FAM193A: variants seen among roughly 807,000 people sequenced by gnomAD.
FAM193A encodes family with sequence similarity 193 member A.
A neutral mutation model predicts 126.5 loss-of-function variants in FAM193A; 22 were observed. The observed-to-expected ratio is 0.17, with a 90% CI of 0.12 to 0.25. FAM193A has a LOEUF of 0.25. Among genes scored for constraint, FAM193A ranks in the 10% least tolerant of loss-of-function variants. The pLI, the probability that FAM193A is intolerant of heterozygous loss-of-function variation, is 1.00. For missense variants in FAM193A, 1,675 were observed against 1,672.8 expected, an observed-to-expected ratio of 1.00 and a Z score of -0.02; for synonymous variants, 761 against 646.8, an observed-to-expected ratio of 1.18 and a Z score of -2.68.
chr4:2,633,870 G>C (rs1265030725), intron 5 of FAM193A, among the ~76,000 whole-genome samples: 1 of 152,160 alleles, frequency 6.6e-6, no homozygotes, highest in Non-Finnish European at 1.5e-5. Flanking sequence ...TCCAGCCTGG[G>C]CAACAAGAGC....
At chr4:2,630,514 T>C (rs1743455139) in intron 4 of FAM193A, among the ~76,000 whole-genome samples, 1 of 152,058 alleles carries the variant, frequency 6.6e-6, no homozygotes. Context: ...TTTAAAAGAG[T>C]TGTCCCCAGC....
At chr4:2,574,546 C>T (rs1417323369) in intron 1 of FAM193A, among the ~76,000 whole-genome samples, 1 of 152,050 alleles carries the variant, frequency 6.6e-6, no homozygotes, top group Non-Finnish European at 1.5e-5. Flanking sequence ...TGTGTATTGA[C>T]GGTCATGGAT....
intron 6 of FAM193A, among the ~76,000 whole-genome samples, chr4:2,645,198 A>G (rs75889295): frequency 0.011 from 1,691 of 152,294 alleles, 34 homozygotes; most frequent in African/African-American, 0.038. Flanking sequence ...CTTGCGCAGA[A>G]TCTTTGTGCT....
At chr4:2,651,877 C>G (rs367814838) in intron 7 of FAM193A, among the ~76,000 whole-genome samples, 2 of 152,224 alleles carry the variant, frequency 1.3e-5, no homozygotes, top group East Asian at 3.9e-4. Flanking sequence ...TCCCAGACAG[C>G]CCCCAGGAGG....
intron 6 of FAM193A, among the ~76,000 whole-genome samples, chr4:2,644,744 G>A (rs559107805): frequency 6.6e-6 from 1 of 152,228 alleles, no homozygotes; most frequent in Admixed American, 6.5e-5. Context: ...TTACCTGAGG[G>A]TGGAGATAGG....
At chr4:2,621,908 C>G (rs534745478) in intron 2 of FAM193A, among the ~76,000 whole-genome samples, 1 of 152,268 alleles carries the variant, frequency 6.6e-6, no homozygotes, top group East Asian at 1.9e-4. Flanking sequence ...CTTCCAGCCA[C>G]TTTTGGTATT....
intron 7 of FAM193A, among the ~76,000 whole-genome samples, chr4:2,656,084 G>C (rs73080307): frequency 6.6e-6 from 1 of 152,114 alleles, no homozygotes; most frequent in Non-Finnish European, 1.5e-5. Flanking sequence ...ACTGCATCCA[G>C]CCAGGACTTT....
intron 19 of FAM193A, among the ~76,000 whole-genome samples, chr4:2,711,720 G>A (rs553168663): frequency 1.3e-5 from 2 of 151,758 alleles, no homozygotes; most frequent in African/African-American, 4.8e-5. Flanking sequence ...AGGCCGAGGC[G>A]GGCAGATCAC....
intron 2 of FAM193A, among the ~76,000 whole-genome samples, chr4:2,622,272 A>C (rs926267735): frequency 4.6e-5 from 7 of 151,474 alleles, no homozygotes; most frequent in Non-Finnish European, 5.9e-5. Flanking sequence ...AAAAAAAAAA[A>C]AAAAAAAAAA....
Position 2,601,378 on chromosome 4 carries a change from G to A in FAM193A, c.501+5049G>A, listed in dbSNP as rs181709297. 4.2e-3 allele frequency among the ~76,000 whole-genome samples: 630 copies of A among 151,492 alleles called. 2 individuals carry two copies. Among genetic ancestry groups the A allele is most frequent in the African/African-American group, 0.015 (606 of 41,292 alleles). ...CTCCCGAGTAGCTGGGACTGTAGGCGCGTACCACCACACCCAGCTAATTTT... is the reference window on the plus strand; with the variant it reads ...CTCCCGAGTAGCTGGGACTGTAGGCACGTACCACCACACCCAGCTAATTTT... On this transcript the variant is annotated intron_variant, in intron 2 of 20. Transcript: ENST00000637812.
intron 13 of FAM193A, among the ~76,000 whole-genome samples, chr4:2,681,611 GCTAT>G (rs1240196871): frequency 5.3e-5 from 8 of 151,820 alleles, no homozygotes; most frequent in African/African-American, 7.3e-5. Context: ...ACCATGCCCA[GCTAT>G]CTATCTGTCT....
At chr4:2,723,846 A>G (rs1386717514) in intron 20 of FAM193A, among the ~76,000 whole-genome samples, 2 of 152,190 alleles carry the variant, frequency 1.3e-5, no homozygotes, top group East Asian at 1.9e-4. Flanking sequence ...GTCTCACTCC[A>G]TTGTCCAGGC....
At position 2,601,839 on chromosome 4, in the gene FAM193A, TTTA is replaced by T. The variant is rs547315886; in HGVS notation, c.501+5522_501+5524del. On this transcript the variant is annotated intron_variant, in intron 2 of 20. Transcript: ENST00000637812. Reference sequence around the variant, plus strand: ...TTGTCTGTTTAATTAATTGTTGCTTTTTATTATTATTATTTTTAAGATAGATTC... The same window carrying T: ...TTGTCTGTTTAATTAATTGTTGCTTTTTATTATTATTTTTAAGATAGATTC... Among the ~76,000 whole-genome samples, 837 of 152,238 alleles carry T rather than the reference TTTA, an allele frequency of 5.5e-3. 9 individuals carry two copies. The highest frequency in any genetic ancestry group is 0.019 in the African/African-American group (793 of 41,546).
At chr4:2,640,420 C>A (rs905185777) in intron 6 of FAM193A, among the ~76,000 whole-genome samples, 1 of 152,084 alleles carries the variant, frequency 6.6e-6, no homozygotes, top group African/African-American at 2.4e-5. Context: ...AGTATTTGCT[C>A]GGGGTCAGAG....
chr4:2,611,565 C>T lies in FAM193A; in HGVS notation c.502-13697C>T, dbSNP rs145473720. ...CTGGGATTACAGGCGTGAGCCACCA[C>T]GCCCGGCTTAATCTGCATTTTCTTA... On this transcript the variant is annotated intron_variant, in intron 2 of 20. Transcript: ENST00000637812. Among the ~76,000 whole-genome samples, 274 of 152,156 alleles carry T rather than the reference C, an allele frequency of 1.8e-3. 1 individual carries two copies. Among genetic ancestry groups the T allele is most frequent in the Middle Eastern group, 0.01 (3 of 294 alleles).
At chr4:2,719,810 A>G (rs1719929147) in intron 20 of FAM193A, among the ~76,000 whole-genome samples, 1 of 123,922 alleles carries the variant, frequency 8.1e-6, no homozygotes, top group South Asian at 2.5e-4. Context: ...CTTCCTTCTG[A>G]CAGGGTCTCA....
At chr4:2,684,957 G>A (rs374565390) in intron 13 of FAM193A, among the ~76,000 whole-genome samples, 61 of 152,326 alleles carry the variant, frequency 4.0e-4, no homozygotes, top group East Asian at 2.5e-3. Flanking sequence ...CTCCTTCCAC[G>A]TGGCCTAGGA....
At chr4:2,636,548 T>C (rs368605437) in intron 5 of FAM193A, among the ~76,000 whole-genome samples, 7 of 152,194 alleles carry the variant, frequency 4.6e-5, no homozygotes, top group African/African-American at 1.2e-4. Context: ...TCTCTACTTA[T>C]ACATGGTTTG....
Position 2,716,118 on chromosome 4 carries a change from C to T in FAM193A, c.4454+14C>T. 6.5e-7 allele frequency: 1 copy of T among 1,540,002 alleles called. No homozygotes were observed. Among genetic ancestry groups the T allele is most frequent in the Non-Finnish European group, 9.0e-7 (1 of 1,112,176 alleles). On this transcript the variant is annotated intron_variant, in intron 20 of 20. Transcript: ENST00000637812. ...ATATTTCAAAAGGTAAATGTGGAGG[C>T]TGTGTCTGAAACCGTGGTGACTGTG...
Sources: gnomAD v4.1 joint callset for allele counts (sites outside exome capture counted in the v4.1 genomes callset) on GRCh38, gnomAD v4.1.1 for gene constraint, MANE v1.5 for transcripts, NCBI Gene and HGNC (gene_info 2026-07-23, HGNC 2026-07-21) for gene names.